Variants in ACTR3C observed in about 807,000 individuals in gnomAD.
ACTR3C encodes the protein actin-related protein 3C.
ACTR3C carries 18 observed loss-of-function variants against 26.3 expected under a neutral mutation model. That is an observed-to-expected ratio of 0.68 (90% CI 0.47 to 1.01). The LOEUF is 1.01. Among genes scored for constraint, ACTR3C ranks in the 50% least tolerant of loss-of-function variants. ACTR3C has a pLI of 0.00. For synonymous variants in ACTR3C, 55 were observed against 94.5 expected, an observed-to-expected ratio of 0.58 and a Z score of 2.42; for missense variants, 184 against 250.7, an observed-to-expected ratio of 0.73 and a Z score of 1.80.
chr7:150,020,193 CAT>C, the ACTR3C span, among the ~76,000 whole-genome samples: 1 of 152,210 alleles, frequency 6.6e-6, no homozygotes, highest in African/African-American at 2.4e-5. Context: ...ACACATGAAA[CAT>C]AGAGGTCTTA....
chr7:149,977,277 A>G, the ACTR3C span, among the ~76,000 whole-genome samples: 1 of 152,222 alleles, frequency 6.6e-6, no homozygotes, highest in South Asian at 2.1e-4. Context: ...GTGGCGAGTC[A>G]ACAGCCTCAC....
chr7:149,995,824 C>T, the ACTR3C span, among the ~76,000 whole-genome samples: 36 of 152,368 alleles, frequency 2.4e-4, no homozygotes, highest in South Asian at 7.5e-3. Context: ...ACCAGCAGCA[C>T]GCTGCACGGT....
the ACTR3C span, among the ~76,000 whole-genome samples, chr7:149,913,271 T>A: frequency 6.6e-6 from 1 of 152,112 alleles, no homozygotes; most frequent in African/African-American, 2.4e-5. Context: ...AATTCTTAAA[T>A]ATGGCAAGTG....
At chr7:150,276,438 T>C (rs552841594) in intron 6 of ACTR3C, among the ~76,000 whole-genome samples, 67 of 152,336 alleles carry the variant, frequency 4.4e-4, no homozygotes, top group Non-Finnish European at 8.2e-4. Context: ...TATTGTGTTC[T>C]TGAAAAGTTT....
chr7:150,280,304 G>A (rs1479794786), intron 6 of ACTR3C, among the ~76,000 whole-genome samples: 2 of 152,172 alleles, frequency 1.3e-5, no homozygotes, highest in Non-Finnish European at 2.9e-5. Flanking sequence ...AGGCTTCCCC[G>A]CAGGCCCCAC....
chr7:150,180,253 C>T, the ACTR3C span, among the ~76,000 whole-genome samples: 880 of 142,856 alleles, frequency 6.2e-3, 12 homozygotes, highest in African/African-American at 0.017. Flanking sequence ...TGCAGTGAGC[C>T]GAGATCGCGC....
the ACTR3C span, among the ~76,000 whole-genome samples, chr7:150,181,670 T>G: frequency 2.7e-5 from 4 of 150,696 alleles, no homozygotes; most frequent in African/African-American, 1.0e-4. Context: ...TGTGGGGCAC[T>G]ACCATCATAA....
At chr7:150,032,907 G>C in the ACTR3C span, among the ~76,000 whole-genome samples, 1 of 152,298 alleles carries the variant, frequency 6.6e-6, no homozygotes, top group Middle Eastern at 3.4e-3. Context: ...AATGTCCAGA[G>C]GTGGGAAGGC....
the ACTR3C span, among the ~76,000 whole-genome samples, chr7:149,933,707 C>T: frequency 2.6e-5 from 4 of 152,102 alleles, no homozygotes; most frequent in Non-Finnish European, 2.9e-5. Context: ...ACACTAGCAA[C>T]GCATAAATTC....
chr7:149,945,431 C>T, the ACTR3C span, among the ~76,000 whole-genome samples: 2 of 152,110 alleles, frequency 1.3e-5, no homozygotes, highest in African/African-American at 2.4e-5. Flanking sequence ...CTGTGTGAAC[C>T]GTGTCGAGAC....
chr7:149,948,868 T>C, the ACTR3C span, among the ~76,000 whole-genome samples: 6,792 of 149,050 alleles, frequency 0.046, 155 homozygotes, highest in African/African-American at 0.15. Context: ...GTGATCCACC[T>C]GGGACAAGTG....
the ACTR3C span, chr7:149,891,120 A>G: frequency 1.5e-5 from 8 of 540,290 alleles, no homozygotes; most frequent in African/African-American, 1.3e-4. Flanking sequence ...CTAGAAAAGA[A>G]TATCTTCAGT....
the ACTR3C span, among the ~76,000 whole-genome samples, chr7:150,149,760 T>C: frequency 6.6e-6 from 1 of 152,162 alleles, no homozygotes; most frequent in South Asian, 2.1e-4. Context: ...TTATCTTTTC[T>C]GTGTGCAGTT....
At chr7:150,228,796 T>C in the ACTR3C span, among the ~76,000 whole-genome samples, 1 of 150,136 alleles carries the variant, frequency 6.7e-6, no homozygotes, top group Non-Finnish European at 1.5e-5. Context: ...AATTTAAAAA[T>C]ACATAGTAAC....
chr7:150,100,424 T>C, the ACTR3C span, among the ~76,000 whole-genome samples: 2 of 151,864 alleles, frequency 1.3e-5, no homozygotes, highest in African/African-American at 4.9e-5. Context: ...TTTGGGGGAA[T>C]CTTTATTCCA....
chr7:150,044,764 G>A, the ACTR3C span: 1 of 152,162 alleles, frequency 6.6e-6, no homozygotes, highest in Non-Finnish European at 1.5e-5. Flanking sequence ...AAAGACAACA[G>A]GTACAAAGCC....
chr7:150,303,238 G>A (rs1055851087), intron 1 of ACTR3C, among the ~76,000 whole-genome samples: 5 of 152,190 alleles, frequency 3.3e-5, no homozygotes, highest in African/African-American at 1.2e-4. Flanking sequence ...TCGTAGACTT[G>A]CCTCCTGCCC....
chr7:150,209,736 C>CACAT, the ACTR3C span, among the ~76,000 whole-genome samples: 10 of 150,380 alleles, frequency 6.6e-5, no homozygotes, highest in African/African-American at 2.2e-4. Context: ...CACACACACA[C>CACAT]ACACACACAC....
chr7:149,971,441 T>C, the ACTR3C span, among the ~76,000 whole-genome samples: 1 of 152,218 alleles, frequency 6.6e-6, no homozygotes, highest in Non-Finnish European at 1.5e-5. Context: ...CATTGCTCTT[T>C]AGTGGTCATG....
Sources: gnomAD v4.1 joint callset for allele counts (sites outside exome capture counted in the v4.1 genomes callset) on GRCh38, gnomAD v4.1.1 for gene constraint, MANE v1.5 for transcripts, NCBI Gene and HGNC (gene_info 2026-07-23, HGNC 2026-07-21) for gene names.